The following TIAM1 variants were observed in gnomAD, a reference collection of about 807,000 sequenced individuals.
TIAM1 encodes the protein rho guanine nucleotide exchange factor TIAM1.
In TIAM1, 65 loss-of-function variants were observed where a neutral mutation model predicts 163.5. That is an observed-to-expected ratio of 0.40 (90% CI 0.33 to 0.49). The LOEUF (loss-of-function observed/expected upper bound fraction) is 0.49. TIAM1 is among the 20% of genes least tolerant of loss of function. The pLI, the probability that TIAM1 is intolerant of heterozygous loss-of-function variation, is 0.77. For synonymous variants in TIAM1, 833 were observed against 810.1 expected (o/e 1.03, Z -0.48); for missense variants, 1,789 against 2,044.7 (o/e 0.87, Z 2.41).
chr21:31,527,565 G>A (rs2047828992), intron 1 of TIAM1, among the ~76,000 whole-genome samples: 1 of 152,044 alleles, frequency 6.6e-6, no homozygotes, highest in Non-Finnish European at 1.5e-5. Flanking sequence ...CATCTGCCCT[G>A]ATGGATTACT....
chr21:31,269,671 G>GTTTTT (rs11350283), intron 3 of TIAM1, among the ~76,000 whole-genome samples: 4 of 124,284 alleles, frequency 3.2e-5, no homozygotes, highest in Non-Finnish European at 3.3e-5. Context: ...AAGTTTGTTT[G>GTTTTT]TTTTTTTTTT....
intron 23 of TIAM1, among the ~76,000 whole-genome samples, chr21:31,132,623 C>T (rs6517012): frequency 0.011 from 1,650 of 152,278 alleles, 35 homozygotes; most frequent in African/African-American, 0.038. Flanking sequence ...ATGATTCCCT[C>T]GATTTCCCTC....
rs1253360951 is a variant in TIAM1, at chr21:31,119,270, G to A, written c.*1098C>T. On this transcript the variant is annotated 3_prime_UTR_variant, in exon 28 of 28. Coordinates refer to ENST00000541036, the MANE Select transcript of TIAM1 (RefSeq NM_001353694.2). ...TTTAAAGAGGTTGTTCTGTTTAAAG[G>A]TTTGGTTATGGACTGTCAGGGAAGG... 1 of 152,570 alleles carries A rather than the reference G, an allele frequency of 6.6e-6. No homozygotes were observed. The highest frequency in any genetic ancestry group is 2.4e-5 in the African/African-American group (1 of 41,418). 9.5% of individuals were successfully genotyped at this position (152,570 alleles called of 1,614,324 possible). A position where few individuals can be genotyped will look rare whatever the true frequency, so the allele number is the denominator to read the frequency against.
chr21:31,322,654 C>G (rs555986346), intron 2 of TIAM1, among the ~76,000 whole-genome samples: 2 of 152,186 alleles, frequency 1.3e-5, no homozygotes, highest in Non-Finnish European at 2.9e-5. Flanking sequence ...CTCTGTGTCA[C>G]GATGCATTGA....
At chr21:31,148,959 TTTC>T (rs1164695544) in intron 19 of TIAM1, among the ~76,000 whole-genome samples, 1 of 24,360 alleles carries the variant, frequency 4.1e-5, no homozygotes, top group Non-Finnish European at 8.9e-5. Flanking sequence ...AGTTTTTCTT[TTTC>T]TTTTTTTTTT....
At chr21:31,142,386 G>A (rs867961432) in intron 20 of TIAM1, among the ~76,000 whole-genome samples, 1 of 150,962 alleles carries the variant, frequency 6.6e-6, no homozygotes, top group Middle Eastern at 3.5e-3. Context: ...GGGAGGCAGA[G>A]GCGAGCGGAT....
intron 15 of TIAM1, among the ~76,000 whole-genome samples, chr21:31,168,732 A>G (rs9305454): frequency 0.94 from 143,682 of 152,282 alleles, 67,860 homozygotes; most frequent in Middle Eastern, 1. Context: ...CTGACTTCAT[A>G]TGTTTGTATT....
chr21:31,558,943 G>C (rs2048993166), exon 1 of TIAM1: 1 of 151,876 alleles, frequency 6.6e-6, no homozygotes, highest in African/African-American at 2.4e-5. Flanking sequence ...CGGTCGTCCG[G>C]GATCTCCGCG....
chr21:31,183,846 C>A (rs1393852757), intron 14 of TIAM1, among the ~76,000 whole-genome samples: 1 of 151,824 alleles, frequency 6.6e-6, no homozygotes, highest in Non-Finnish European at 1.5e-5. Flanking sequence ...AGGCACTCAC[C>A]ACCACGCCCA....
chr21:31,393,711 G>T (rs1484397775), intron 2 of TIAM1, among the ~76,000 whole-genome samples: 1 of 152,172 alleles, frequency 6.6e-6, no homozygotes, highest in African/African-American at 2.4e-5. Flanking sequence ...GTGTCTGTTT[G>T]AATGTGGAGT....
chr21:31,437,502 C>CAAAAAAAAAAAAAAA (rs778245444), intron 2 of TIAM1, among the ~76,000 whole-genome samples: 59 of 106,388 alleles, frequency 5.5e-4, no homozygotes, highest in East Asian at 1.2e-3. Context: ...GACCCTGTCT[C>CAAAAAAAAAAAAAAA]AAAAAAAAAA....
chr21:31,130,683 A>C (rs1319027437), intron 24 of TIAM1, among the ~76,000 whole-genome samples: 1 of 152,206 alleles, frequency 6.6e-6, no homozygotes, highest in African/African-American at 2.4e-5. Flanking sequence ...ATTCACAAAA[A>C]TGAGACCAAT....
chr21:31,282,064 G>C (rs2073593883), intron 2 of TIAM1, among the ~76,000 whole-genome samples: 1 of 152,224 alleles, frequency 6.6e-6, no homozygotes, highest in Non-Finnish European at 1.5e-5. Flanking sequence ...TGAATATCCT[G>C]TTGAGCTACA....
At chr21:31,484,963 G>A (rs1423487288) in intron 1 of TIAM1, among the ~76,000 whole-genome samples, 2 of 152,208 alleles carry the variant, frequency 1.3e-5, no homozygotes, top group African/African-American at 4.8e-5. Flanking sequence ...TAAGGACTCA[G>A]TGAGAAGACA....
intron 1 of TIAM1, among the ~76,000 whole-genome samples, chr21:31,550,012 T>C (rs567269954): frequency 6.6e-6 from 1 of 151,938 alleles, no homozygotes; most frequent in African/African-American, 2.4e-5. Context: ...TGGTCTCAGC[T>C]ACTCAGGAGG....
chr21:31,246,718 G>C (rs770818822), intron 5 of TIAM1, among the ~76,000 whole-genome samples: 10 of 152,156 alleles, frequency 6.6e-5, no homozygotes, highest in Non-Finnish European at 1.5e-4. Flanking sequence ...CTGGTTCAAG[G>C]GCAACTTTTC....
intron 19 of TIAM1, among the ~76,000 whole-genome samples, chr21:31,147,468 C>T (rs1401614221): frequency 6.6e-6 from 1 of 151,634 alleles, no homozygotes; most frequent in Non-Finnish European, 1.5e-5. Flanking sequence ...TCTCCTCTAG[C>T]AACTAAGAAC....
At chr21:31,301,068 C>A (rs938018726) in intron 2 of TIAM1, among the ~76,000 whole-genome samples, 1 of 152,146 alleles carries the variant, frequency 6.6e-6, no homozygotes, top group African/African-American at 2.4e-5. Flanking sequence ...ATTTTGGAGC[C>A]GAGTGAGATT....
intron 2 of TIAM1, among the ~76,000 whole-genome samples, chr21:31,295,416 G>A (rs1180565840): frequency 7.0e-6 from 1 of 142,126 alleles, no homozygotes; most frequent in Non-Finnish European, 1.5e-5. Context: ...CTTGCAGTGC[G>A]CCGAGATCAC....
Sources: allele counts gnomAD v4.1 joint callset (sites outside exome capture counted in the v4.1 genomes callset), GRCh38; gene constraint gnomAD v4.1.1; transcripts MANE v1.5; gene names NCBI Gene and HGNC (gene_info 2026-07-23, HGNC 2026-07-21).